PAK5: variants seen among roughly 807,000 people sequenced by gnomAD.
PAK5 encodes the protein serine/threonine-protein kinase PAK 5.
PAK5 carries 16 observed loss-of-function variants against 65.9 expected under a neutral mutation model. The observed-to-expected ratio is 0.24, with a 90% CI of 0.16 to 0.37. The LOEUF is 0.37. Among genes scored for constraint, PAK5 ranks in the 10% least tolerant of loss-of-function variants. PAK5 has a pLI of 1.00. For synonymous variants in PAK5, 371 were observed against 354.9 expected, an observed-to-expected ratio of 1.05 and a Z score of -0.51; for missense variants, 785 against 903.9, an observed-to-expected ratio of 0.87 and a Z score of 1.69.
chr20:9,658,751 C>A (rs1051959333), intron 2 of PAK5, among the ~76,000 whole-genome samples: 1 of 152,186 alleles, frequency 6.6e-6, no homozygotes, highest in Non-Finnish European at 1.5e-5. Flanking sequence ...AATACTGTCA[C>A]ATAGCTAATT....
chr20:9,585,120 T>A (rs2046046546), intron 3 of PAK5, among the ~76,000 whole-genome samples: 1 of 152,210 alleles, frequency 6.6e-6, no homozygotes, highest in African/African-American at 2.4e-5. Flanking sequence ...TACCTTTAGC[T>A]CTATATCCTA....
chr20:9,803,000 C>G (rs2049190410), intron 1 of PAK5, among the ~76,000 whole-genome samples: 1 of 141,760 alleles, frequency 7.1e-6, no homozygotes, highest in Admixed American at 7.3e-5. Context: ...AACCATGCTT[C>G]AAATACTAGC....
chr20:9,686,056 T>G (rs2047714634), intron 2 of PAK5, among the ~76,000 whole-genome samples: 1 of 152,244 alleles, frequency 6.6e-6, no homozygotes, highest in Non-Finnish European at 1.5e-5. Context: ...CTCAATGCCT[T>G]AATTTTTAAA....
chr20:9,649,558 T>C (rs987145948), intron 2 of PAK5, among the ~76,000 whole-genome samples: 3 of 152,356 alleles, frequency 2.0e-5, no homozygotes. Flanking sequence ...CCCAGCTTTG[T>C]CCCTAACTTA....
intron 2 of PAK5, among the ~76,000 whole-genome samples, chr20:9,674,102 A>G (rs1345350233): frequency 6.6e-6 from 1 of 152,190 alleles, no homozygotes; most frequent in Non-Finnish European, 1.5e-5. Context: ...AATTATGAGG[A>G]AAGAAAAGCC....
intron 1 of PAK5, among the ~76,000 whole-genome samples, chr20:9,771,244 A>G (rs1164495100): frequency 1.3e-5 from 2 of 152,124 alleles, no homozygotes; most frequent in Admixed American, 6.5e-5. Flanking sequence ...TCACTTTTTG[A>G]TAGAGAACAT....
intron 3 of PAK5, among the ~76,000 whole-genome samples, chr20:9,601,974 T>G (rs2046368007): frequency 6.6e-6 from 1 of 152,190 alleles, no homozygotes; most frequent in Non-Finnish European, 1.5e-5. Context: ...GTAGGGTTGT[T>G]TGCTATGTAG....
intron 1 of PAK5, among the ~76,000 whole-genome samples, chr20:9,819,273 T>C (rs1364537959): frequency 6.6e-6 from 1 of 152,138 alleles, no homozygotes; most frequent in African/African-American, 2.4e-5. Flanking sequence ...CCAACACAAA[T>C]CTATTTCTTA....
intron 1 of PAK5, among the ~76,000 whole-genome samples, chr20:9,740,677 G>A (rs1041184069): frequency 4.6e-5 from 7 of 152,158 alleles, no homozygotes; most frequent in Non-Finnish European, 1.0e-4. Context: ...GAGCAGATTC[G>A]AGTTGCCCCA....
intron 1 of PAK5, among the ~76,000 whole-genome samples, chr20:9,746,061 C>A (rs1569070244): frequency 6.6e-6 from 1 of 152,156 alleles, no homozygotes; most frequent in Non-Finnish European, 1.5e-5. Context: ...AAAACTTTCT[C>A]ATCTCCCATA....
At chr20:9,739,872 G>T (rs1408496487) in intron 1 of PAK5, among the ~76,000 whole-genome samples, 1 of 152,052 alleles carries the variant, frequency 6.6e-6, no homozygotes, top group Non-Finnish European at 1.5e-5. Context: ...TAAAAGTGAG[G>T]GTCAAAAGGC....
At chr20:9,675,080 T>C (rs544541990) in intron 2 of PAK5, among the ~76,000 whole-genome samples, 2 of 152,298 alleles carry the variant, frequency 1.3e-5, no homozygotes, top group East Asian at 3.9e-4. Context: ...AGGAAAACAG[T>C]ACATTTACAA....
At chr20:9,685,716 T>C (rs543625107) in intron 2 of PAK5, among the ~76,000 whole-genome samples, 1 of 152,348 alleles carries the variant, frequency 6.6e-6, no homozygotes, top group Non-Finnish European at 1.5e-5. Flanking sequence ...ACAGTATCTG[T>C]ATAATTGGGA....
intron 3 of PAK5, among the ~76,000 whole-genome samples, chr20:9,639,401 T>C (rs1343598413): frequency 6.6e-6 from 1 of 152,220 alleles, no homozygotes; most frequent in Non-Finnish European, 1.5e-5. Flanking sequence ...GGGAGTTTAG[T>C]GTTAGTATGA....
chr20:9,571,797 G>C (rs963892196), intron 4 of PAK5, among the ~76,000 whole-genome samples: 1 of 143,482 alleles, frequency 7.0e-6, no homozygotes, highest in Admixed American at 7.3e-5. Context: ...AAAGAAGGGA[G>C]AAATGGGATT....
chr20:9,621,649 G>T (rs1042621088), intron 3 of PAK5, among the ~76,000 whole-genome samples: 2 of 152,156 alleles, frequency 1.3e-5, no homozygotes, highest in African/African-American at 4.8e-5. Context: ...CTAAAAACCT[G>T]AAGTTTAAAT....
chr20:9,741,385 C>CA (rs1387657988), intron 1 of PAK5, among the ~76,000 whole-genome samples: 1 of 152,134 alleles, frequency 6.6e-6, no homozygotes, highest in Non-Finnish European at 1.5e-5. Flanking sequence ...CACTCAATTA[C>CA]ATTATACACA....
intron 2 of PAK5, among the ~76,000 whole-genome samples, chr20:9,695,136 T>G (rs2047851153): frequency 6.6e-6 from 1 of 152,064 alleles, no homozygotes; most frequent in South Asian, 2.1e-4. Flanking sequence ...CCTAGTGAGT[T>G]TGAGCTTCTT....
chr20:9,599,002 A>C (rs905532264), intron 3 of PAK5, among the ~76,000 whole-genome samples: 30 of 152,126 alleles, frequency 2.0e-4, no homozygotes, highest in Non-Finnish European at 3.8e-4. Flanking sequence ...TCACGTAGAA[A>C]CTTTGTACCC....
Sources: gnomAD v4.1 joint callset for allele counts (sites outside exome capture counted in the v4.1 genomes callset) on GRCh38, gnomAD v4.1.1 for gene constraint, MANE v1.5 for transcripts, NCBI Gene and HGNC (gene_info 2026-07-23, HGNC 2026-07-21) for gene names.